Variants in CSNK1G1 observed in about 807,000 individuals in gnomAD.
CSNK1G1 encodes casein kinase I isoform gamma-1.
CSNK1G1 carries 22 observed loss-of-function variants against 59.6 expected under a neutral mutation model. The ratio of observed to expected loss-of-function variants is 0.37; its 90% confidence interval spans 0.26 to 0.53. The LOEUF is 0.53. CSNK1G1 is among the 20% of genes least tolerant of loss of function. The pLI is 0.89. For synonymous variants in CSNK1G1, 179 were observed against 177.1 expected (o/e 1.01, Z -0.08); for missense variants, 384 against 519.5 (o/e 0.74, Z 2.54).
chr15:64,268,211 A>C (rs1430048588), intron 2 of CSNK1G1, among the ~76,000 whole-genome samples: 1 of 152,216 alleles, frequency 6.6e-6, no homozygotes, highest in African/African-American at 2.4e-5. Context: ...GTTAAGTGAA[A>C]TTAGCCAGGC....
At chr15:64,322,299 T>A (rs560286045) in intron 1 of CSNK1G1, among the ~76,000 whole-genome samples, 12 of 152,252 alleles carry the variant, frequency 7.9e-5, no homozygotes, top group African/African-American at 2.9e-4. Context: ...TTGAAGCACA[T>A]ACTATACTCT....
At chr15:64,248,340 C>CT (rs1451124560) in intron 4 of CSNK1G1, among the ~76,000 whole-genome samples, 1 of 152,088 alleles carries the variant, frequency 6.6e-6, no homozygotes, top group East Asian at 1.9e-4. Flanking sequence ...AATAAATTTC[C>CT]TTTTTTTAAC....
At chr15:64,174,147 G>A (rs959613206) in intron 11 of CSNK1G1, among the ~76,000 whole-genome samples, 6 of 152,094 alleles carry the variant, frequency 3.9e-5, no homozygotes, top group African/African-American at 7.2e-5. Flanking sequence ...AATAAAAAAA[G>A]TTTACAATAC....
At chr15:64,319,843 A>G (rs1008518596) in intron 1 of CSNK1G1, among the ~76,000 whole-genome samples, 6 of 151,076 alleles carry the variant, frequency 4.0e-5, no homozygotes, top group African/African-American at 1.5e-4. Context: ...AAAATGTAAC[A>G]CCTTTATTTT....
At chr15:64,266,836 T>C (rs912728407) in intron 2 of CSNK1G1, among the ~76,000 whole-genome samples, 1 of 152,184 alleles carries the variant, frequency 6.6e-6, no homozygotes, top group African/African-American at 2.4e-5. Context: ...TAGACCCTTA[T>C]CTCTCACCTT....
At chr15:64,286,308 C>A (rs1237546322) in intron 2 of CSNK1G1, among the ~76,000 whole-genome samples, 2 of 137,784 alleles carry the variant, frequency 1.5e-5, no homozygotes, top group African/African-American at 5.7e-5. Flanking sequence ...TCAAAAAGGA[C>A]CCCACTCTGC....
Position 64,216,534 on chromosome 15 carries a change from CT to C in CSNK1G1, c.444+27del, listed in dbSNP as rs778924269. 3.0e-5 allele frequency: 48 copies of C among 1,610,690 alleles called. No individual in the cohort carries two copies. The highest frequency in any genetic ancestry group is 1.4e-5 in the Non-Finnish European group (16 of 1,177,636). ...GATGTGGCTGAGGAACCAGCTTATT[CT>C]CTTCTAGAAGAGCAATTCCAACTTA... On this transcript the variant is annotated intron_variant, in intron 5 of 11. Coordinates refer to ENST00000303052, the MANE Select transcript of CSNK1G1 (RefSeq NM_022048.5). This position sits in a 1 kb window ranked among gnomAD's most constrained non-coding sequence, Gnocchi z 4.6.
At chr15:64,353,364 T>C (rs1443060469) in intron 1 of CSNK1G1, among the ~76,000 whole-genome samples, 1 of 151,784 alleles carries the variant, frequency 6.6e-6, no homozygotes, top group African/African-American at 2.4e-5. Flanking sequence ...ATAAAGACTT[T>C]GGCCGGGTAC....
At chr15:64,196,964 A>G (rs62024565) in intron 10 of CSNK1G1, among the ~76,000 whole-genome samples, 9,407 of 152,256 alleles carry the variant, frequency 0.062, 893 homozygotes, top group African/African-American at 0.21. Flanking sequence ...AAAAATATCT[A>G]TTTACATCTG....
At chr15:64,341,304 C>T (rs57264051) in intron 1 of CSNK1G1, among the ~76,000 whole-genome samples, 2 of 2,602 alleles carry the variant, frequency 7.7e-4, no homozygotes, top group African/African-American at 9.8e-4. Flanking sequence ...CGCGCCCGGC[C>T]AATTTTTATC....
chr15:64,171,851 C>G lies in CSNK1G1; in HGVS notation c.*80G>C, dbSNP rs1567353557. On this transcript the variant is annotated 3_prime_UTR_variant, in exon 12 of 12. Coordinates refer to ENST00000303052, the MANE Select transcript of CSNK1G1 (RefSeq NM_022048.5). This position sits in a 1 kb window ranked among gnomAD's most constrained non-coding sequence, Gnocchi z 4.8. ...TCCACCCTCCCCCAAAGAGGAGTCCCTTCCAATGAGAAATGGCAGGAGCTG... is the reference window on the plus strand; with the variant it reads ...TCCACCCTCCCCCAAAGAGGAGTCCGTTCCAATGAGAAATGGCAGGAGCTG... 9 of 1,234,014 alleles carry G rather than the reference C, an allele frequency of 7.3e-6. No homozygotes were observed. The East Asian group carries it at 1.6e-4, about 22-fold the overall frequency. The allele number at this position is 1,234,014 out of a possible 1,614,324, so 76.4% of individuals were successfully genotyped here. A position where few individuals can be genotyped will look rare whatever the true frequency, so the allele number is the denominator to read the frequency against.
chr15:64,304,480 T>C (rs1291016881), intron 1 of CSNK1G1, among the ~76,000 whole-genome samples: 1 of 151,794 alleles, frequency 6.6e-6, no homozygotes, highest in Non-Finnish European at 1.5e-5. Flanking sequence ...TTAAAGTTAC[T>C]AAGTTTTTTA....
intron 1 of CSNK1G1, among the ~76,000 whole-genome samples, chr15:64,339,251 G>A (rs1566953448): frequency 6.6e-6 from 1 of 152,160 alleles, no homozygotes; most frequent in Non-Finnish European, 1.5e-5. Flanking sequence ...TACCCCAGAT[G>A]AGCTGAATCA....
intron 4 of CSNK1G1, among the ~76,000 whole-genome samples, chr15:64,248,783 G>C (rs1891899922): frequency 6.6e-6 from 1 of 151,984 alleles, no homozygotes; most frequent in African/African-American, 2.4e-5. Flanking sequence ...AGGAGATCAA[G>C]ACCATCCTGG....
At chr15:64,317,374 C>G (rs77339973) in intron 1 of CSNK1G1, among the ~76,000 whole-genome samples, 3,119 of 152,272 alleles carry the variant, frequency 0.02, 119 homozygotes, top group African/African-American at 0.071. Flanking sequence ...CAGGCGTGAG[C>G]CACTGTGCCC....
chr15:64,343,794 A>G (rs557847707), intron 1 of CSNK1G1, among the ~76,000 whole-genome samples: 6 of 151,052 alleles, frequency 4.0e-5, no homozygotes, highest in South Asian at 2.1e-4. Flanking sequence ...TATATCTTCA[A>G]TTTCTATATT....
chr15:64,348,820 G>A (rs1898117422), intron 1 of CSNK1G1, among the ~76,000 whole-genome samples: 1 of 152,158 alleles, frequency 6.6e-6, no homozygotes, highest in South Asian at 2.1e-4. Flanking sequence ...ATGGTCAACA[G>A]AGAAATTAAA....
chr15:64,166,110 A>ATTAT lies in CSNK1G1; in HGVS notation c.*5820_*5821insATAA, dbSNP rs1182809377. On this transcript the variant is annotated 3_prime_UTR_variant, in exon 12 of 12. Coordinates refer to ENST00000303052, the MANE Select transcript of CSNK1G1 (RefSeq NM_022048.5). This position sits in a 1 kb window ranked among gnomAD's most constrained non-coding sequence, Gnocchi z 4.5. ...AAAAAAAAAAAGTAAAAAAAGAGGC[A>ATTAT]TTTAACAATAATCAGACACATCCAC... 2 of 605,428 alleles carry ATTAT rather than the reference A, an allele frequency of 3.3e-6. No homozygotes were observed. Among genetic ancestry groups the ATTAT allele is most frequent in the Non-Finnish European group, 5.8e-6 (2 of 342,390 alleles). 37.5% of individuals were successfully genotyped at this position (605,428 alleles called of 1,614,324 possible). A position where few individuals can be genotyped will look rare whatever the true frequency, so the allele number is the denominator to read the frequency against.
At chr15:64,211,438 G>T (rs2082247877) in intron 6 of CSNK1G1, among the ~76,000 whole-genome samples, 1 of 152,106 alleles carries the variant, frequency 6.6e-6, no homozygotes, top group African/African-American at 2.4e-5. Flanking sequence ...ATGATGACAG[G>T]TTAGATTTGA....
Sources: gnomAD v4.1 joint callset for allele counts (sites outside exome capture counted in the v4.1 genomes callset) on GRCh38, gnomAD v4.1.1 for gene constraint, Gnocchi (gnomAD v3.1) non-coding constraint, MANE v1.5 for transcripts, NCBI Gene and HGNC (gene_info 2026-07-23, HGNC 2026-07-21) for gene names.